Variants in CRYBG1 observed in about 807,000 individuals in gnomAD.
CRYBG1 encodes beta/gamma crystallin domain-containing protein 1.
CRYBG1 carries 139 observed loss-of-function variants against 189.2 expected under a neutral mutation model. That is an observed-to-expected ratio of 0.73 (90% CI 0.64 to 0.85). The LOEUF is 0.85. Ranked by LOEUF, CRYBG1 falls within the 40% of genes least tolerant of loss-of-function variation. The probability of loss-of-function intolerance (pLI) is 0.00; values close to 1 mark genes in which losing one functional copy is unlikely to be tolerated. For synonymous variants in CRYBG1, 1,023 were observed against 1,017.1 expected, an observed-to-expected ratio of 1.01 and a Z score of -0.11; for missense variants, 2,611 against 2,675.8, an observed-to-expected ratio of 0.98 and a Z score of 0.53.
chr6:106,562,723 G>A (rs184646885), intron 20 of CRYBG1, among the ~76,000 whole-genome samples: 1 of 152,294 alleles, frequency 6.6e-6, no homozygotes, highest in Non-Finnish European at 1.5e-5. Flanking sequence ...TCCTGACCTC[G>A]TGATCCACCT....
chr6:106,367,179 T>G (rs1272738825), intron 1 of CRYBG1, among the ~76,000 whole-genome samples: 1 of 152,198 alleles, frequency 6.6e-6, no homozygotes, highest in East Asian at 1.9e-4. Context: ...TTTCCACACT[T>G]TCCATCACAA....
intron 1 of CRYBG1, among the ~76,000 whole-genome samples, chr6:106,385,797 C>T (rs1314513454): frequency 1.3e-5 from 2 of 152,090 alleles, no homozygotes; most frequent in African/African-American, 4.8e-5. Flanking sequence ...TGAACCACAG[C>T]CTCTCTTAAA....
chr6:106,525,373 G>A lies in CRYBG1; in HGVS notation c.4399G>A (p.Val1467Ile). The change falls in exon 6 of 22, where the codon GTT (valine) becomes ATT (isoleucine). Residue 1467 changes from valine (V) to isoleucine (I), a missense_variant. Physicochemically the swap from Val to Ile is conservative, Grantham distance 29. Transcript: ENST00000633556. Reference sequence around the variant, plus strand: ...CCTCTCTCCAGTGATACTCATAAAAGTTGTTAGAGGATGGTAAGAATGGCA... The same window carrying A: ...CCTCTCTCCAGTGATACTCATAAAAATTGTTAGAGGATGGTAAGAATGGCA... ...WSLSPVILIK[V>I]VRGCWILYEQ... 1 of 1,613,560 alleles carries A rather than the reference G, an allele frequency of 6.2e-7. No individual in the cohort carries two copies. The highest frequency in any genetic ancestry group is 1.1e-5 in the South Asian group (1 of 91,064).
intron 2 of CRYBG1, among the ~76,000 whole-genome samples, chr6:106,483,402 A>ATATATATATGTATATATATATATATAT (rs1361096436): frequency 1.1e-5 from 1 of 88,438 alleles, no homozygotes; most frequent in Non-Finnish European, 2.9e-5. Flanking sequence ...ATATATATAT[A>ATATATATATGTATATATATATATATAT]AAACATTTTC....
At chr6:106,565,933 C>T (rs1774871348) in intron 21 of CRYBG1, among the ~76,000 whole-genome samples, 1 of 152,032 alleles carries the variant, frequency 6.6e-6, no homozygotes, top group Non-Finnish European at 1.5e-5. Context: ...AAATGTGACT[C>T]AATTGGAAAA....
intron 2 of CRYBG1, among the ~76,000 whole-genome samples, chr6:106,471,880 T>G: frequency 6.6e-6 from 1 of 152,244 alleles, no homozygotes; most frequent in South Asian, 2.1e-4. Context: ...AGATAGAATA[T>G]TTTACCCCCT....
chr6:106,484,149 G>C (rs1203095107), intron 2 of CRYBG1, among the ~76,000 whole-genome samples: 2 of 152,088 alleles, frequency 1.3e-5, no homozygotes, highest in Non-Finnish European at 2.9e-5. Context: ...GAATCAGTTG[G>C]CTATAAGTGC....
chr6:106,483,401 T>TATATATGTATATATATATA lies in CRYBG1; in HGVS notation c.313-28028_313-28027insTATATGTATATATATATAA. On this transcript the variant is annotated intron_variant, in intron 2 of 21. Coordinates refer to ENST00000633556, the MANE Select transcript of CRYBG1 (RefSeq NM_001371242.2). Reference sequence around the variant, plus strand: ...GTGTATATATATATAGATATATATATAAAACATTTTCTTTATCTACTTATT... The same window carrying TATATATGTATATATATATA: ...GTGTATATATATATAGATATATATATATATATGTATATATATATAAAAACATTTTCTTTATCTACTTATT... Among the ~76,000 whole-genome samples the TATATATGTATATATATATA allele has an allele frequency of 4.8e-4, 46 of 95,584 alleles. 2 individuals are homozygous for TATATATGTATATATATATA. Among genetic ancestry groups the TATATATGTATATATATATA allele is most frequent in the Non-Finnish European group, 1.0e-3 (41 of 39,958 alleles). The allele number at this position is 95,584 out of a possible 152,430, so 62.7% of individuals were successfully genotyped here.
intron 2 of CRYBG1, among the ~76,000 whole-genome samples, chr6:106,461,519 G>A (rs185691758): frequency 3.5e-4 from 53 of 152,272 alleles, no homozygotes; most frequent in Non-Finnish European, 6.2e-4. Flanking sequence ...CATTTTGACT[G>A]GAGAGATGAA....
In CRYBG1 at chr6:106,544,891, G is replaced by A. The variant is rs775492706; in HGVS notation, c.5270G>A (p.Gly1757Glu). 1.2e-6 allele frequency: 2 copies of A among 1,613,292 alleles called. No individual in the cohort carries two copies. Among genetic ancestry groups the A allele is most frequent in the Admixed American group, 3.3e-5 (2 of 59,856 alleles). ...LGIVANLKET[G>E]YGVKTQSINV... ...ATTGTTGCTAATTTAAAGGAGACTG[G>A]ATATGGAGTGAAGACACAGTCTATT... Residue 1757 changes from glycine (G) to glutamate (E), a missense_variant, in exon 13 of 22, where the codon GGA (glycine) becomes GAA (glutamate). By Grantham distance (98) the Gly-to-Glu change is moderately conservative (BLOSUM62 -2). This residue lies in a region of CRYBG1 where 1,622 missense variants were observed against 1,735.0 expected (regional missense o/e 0.93). Coordinates refer to ENST00000633556, the MANE Select transcript of CRYBG1 (RefSeq NM_001371242.2).
chr6:106,493,313 A>C (rs1772766249), intron 2 of CRYBG1, among the ~76,000 whole-genome samples: 1 of 152,206 alleles, frequency 6.6e-6, no homozygotes, highest in African/African-American at 2.4e-5. Flanking sequence ...ATCACCTCAC[A>C]TCCATGAGGA....
At chr6:106,488,237 A>G (rs1772633927) in intron 2 of CRYBG1, among the ~76,000 whole-genome samples, 1 of 152,198 alleles carries the variant, frequency 6.6e-6, no homozygotes, top group East Asian at 1.9e-4. Context: ...CCTTAATGGC[A>G]TGGTCACCAC....
rs1773264302 is a variant in CRYBG1, at chr6:106,511,776, C to T, written c.659C>T (p.Ala220Val). Reference sequence around the variant, plus strand: ...TCACCTCGCTGGAGCAGCAGTGCAGCGGCTGTGGCTGTGCAGCAGTGCCAT... The same window carrying T: ...TCACCTCGCTGGAGCAGCAGTGCAGTGGCTGTGGCTGTGCAGCAGTGCCAT... ...ELSPRWSSSA[A>V]AVAVQQCHEN... The change falls in exon 3 of 22, where the codon GCG (alanine) becomes GTG (valine). Residue 220 changes from alanine to valine, a missense_variant. By Grantham distance (64) the Ala-to-Val change is moderately conservative. Coordinates refer to ENST00000633556, the MANE Select transcript of CRYBG1 (RefSeq NM_001371242.2). 1.7e-5 allele frequency: 26 copies of T among 1,534,314 alleles called. No homozygotes were observed. Among genetic ancestry groups the T allele is most frequent in the East Asian group, 2.4e-5 (1 of 40,886 alleles).
At chr6:106,473,104 G>A (rs955503118) in intron 2 of CRYBG1, among the ~76,000 whole-genome samples, 1 of 152,154 alleles carries the variant, frequency 6.6e-6, no homozygotes, top group African/African-American at 2.4e-5. Flanking sequence ...TCATTAGATT[G>A]TTCTATAAAG....
chr6:106,471,027 T>C (rs34843957), intron 2 of CRYBG1, among the ~76,000 whole-genome samples: 12,837 of 152,204 alleles, frequency 0.084, 706 homozygotes, highest in East Asian at 0.22. Flanking sequence ...CAAATACACA[T>C]TGTTCTTGCA....
chr6:106,443,670 T>C (rs1379208430), intron 1 of CRYBG1, among the ~76,000 whole-genome samples: 2 of 152,198 alleles, frequency 1.3e-5, no homozygotes, highest in Non-Finnish European at 2.9e-5. Flanking sequence ...CCTGGTACTT[T>C]AGGACTATTT....
In CRYBG1 at chr6:106,568,797, T is replaced by C. The variant is rs900626563; in HGVS notation, c.*231T>C. Reference sequence around the variant, plus strand: ...TCCTTTCATTTCTTGCCTTTCATTTTTGGTAGCTGCTTAAACAGGTTGCCT... The same window carrying C: ...TCCTTTCATTTCTTGCCTTTCATTTCTGGTAGCTGCTTAAACAGGTTGCCT... On this transcript the variant is annotated 3_prime_UTR_variant, in exon 22 of 22. Coordinates refer to ENST00000633556, the MANE Select transcript of CRYBG1 (RefSeq NM_001371242.2). 19 of 430,966 alleles carry C rather than the reference T, an allele frequency of 4.4e-5. No homozygotes were observed. Among genetic ancestry groups the C allele is most frequent in the African/African-American group, 3.5e-4 (18 of 50,948 alleles). The allele number at this position is 430,966 out of a possible 1,614,324, so 26.7% of individuals were successfully genotyped here.
intron 11 of CRYBG1, 137 bp downstream of exon 11, chr6:106,543,734 C>T: frequency 2.0e-6 from 2 of 992,230 alleles, no homozygotes; most frequent in Non-Finnish European, 3.0e-6. Context: ...ACATTCTCCT[C>T]AGCCTATAGT....
chr6:106,500,435 A>AC (rs964627808), intron 2 of CRYBG1, among the ~76,000 whole-genome samples: 8 of 150,828 alleles, frequency 5.3e-5, no homozygotes, highest in Admixed American at 3.3e-4. Context: ...AAAAAAAACA[A>AC]AAAAAAAAAC....
Sources: allele counts gnomAD v4.1 joint callset (sites outside exome capture counted in the v4.1 genomes callset), GRCh38; gene constraint gnomAD v4.1.1; regional missense constraint gnomAD v4.1.1; transcripts MANE v1.5; gene names NCBI Gene and HGNC (gene_info 2026-07-23, HGNC 2026-07-21).